NOL4: variants seen among roughly 807,000 people sequenced by gnomAD.
NOL4 encodes nucleolar protein 4.
NOL4 carries 17 observed loss-of-function variants against 75.9 expected under a neutral mutation model. The ratio of observed to expected loss-of-function variants is 0.22; its 90% CI spans 0.15 to 0.34. The LOEUF (loss-of-function observed/expected upper bound fraction) is 0.34, where lower values mean the gene tolerates loss of function less well. NOL4 is among the 10% of genes least tolerant of loss of function. The pLI, the probability that NOL4 is intolerant of heterozygous loss-of-function variation, is 1.00. For missense variants in NOL4, 614 were observed against 793.5 expected (o/e 0.77, Z 2.72); for synonymous variants, 292 against 289.9 (o/e 1.01, Z -0.07).
intron 4 of NOL4, among the ~76,000 whole-genome samples, chr18:34,099,234 G>A (rs908045334): frequency 6.6e-6 from 1 of 151,106 alleles, no homozygotes; most frequent in African/African-American, 2.4e-5. Context: ...ATAGTGGCGG[G>A]CACCTGTAAT....
chr18:33,899,879 A>C (rs867886597), intron 9 of NOL4, among the ~76,000 whole-genome samples: 6 of 152,052 alleles, frequency 3.9e-5, no homozygotes, highest in African/African-American at 1.4e-4. Flanking sequence ...AAATATGAGA[A>C]AGTTCAAATG....
chr18:34,129,846 C>CTTT, intron 2 of NOL4, 25 bp downstream of exon 2: 4 of 1,350,480 alleles, frequency 3.0e-6, no homozygotes, highest in South Asian at 1.5e-5. Flanking sequence ...AATGCATGCT[C>CTTT]TTTTTTTTTT....
intron 9 of NOL4, among the ~76,000 whole-genome samples, chr18:33,887,952 G>A (rs1441175107): frequency 6.6e-6 from 1 of 152,160 alleles, no homozygotes; most frequent in Non-Finnish European, 1.5e-5. Flanking sequence ...GGATGGCTGG[G>A]TCAAATGGTA....
intron 5 of NOL4, among the ~76,000 whole-genome samples, chr18:34,078,762 T>C (rs2077860301): frequency 1.3e-5 from 2 of 152,148 alleles, no homozygotes; most frequent in Non-Finnish European, 2.9e-5. Context: ...TGATCACTTA[T>C]AAAAGAACAT....
intron 8 of NOL4, 124 bp from the exon 9 acceptor site, chr18:33,943,302 A>G (rs1158156468): frequency 6.3e-6 from 4 of 634,028 alleles, no homozygotes; most frequent in Non-Finnish European, 1.1e-5. Flanking sequence ...ATTTCAACTG[A>G]ACTTGTTTCA....
intron 6 of NOL4, among the ~76,000 whole-genome samples, chr18:34,017,459 G>A (rs1231050797): frequency 6.6e-6 from 1 of 152,104 alleles, no homozygotes; most frequent in Non-Finnish European, 1.5e-5. Context: ...TCACTTCCAT[G>A]TGGTAAGAAC....
chr18:34,033,713 T>A (rs930263125), intron 5 of NOL4, among the ~76,000 whole-genome samples: 2 of 151,964 alleles, frequency 1.3e-5, no homozygotes, highest in African/African-American at 2.4e-5. Flanking sequence ...CCCAAACAGA[T>A]AAAATGCAAC....
At chr18:34,160,823 A>G (rs2031352491) in intron 1 of NOL4, among the ~76,000 whole-genome samples, 1 of 152,164 alleles carries the variant, frequency 6.6e-6, no homozygotes, top group African/African-American at 2.4e-5. Context: ...TGTTCTGGGA[A>G]CAATCAAGAT....
intron 9 of NOL4, among the ~76,000 whole-genome samples, chr18:33,887,062 T>G (rs958800318): frequency 2.1e-5 from 3 of 140,246 alleles, no homozygotes; most frequent in Admixed American, 1.5e-4. Flanking sequence ...TATATATCTA[T>G]ATATAATATA....
intron 6 of NOL4, among the ~76,000 whole-genome samples, chr18:33,990,862 T>C (rs1175451419): frequency 6.6e-6 from 1 of 152,092 alleles, no homozygotes; most frequent in Non-Finnish European, 1.5e-5. Context: ...ACATTCATTT[T>C]CATGCCATTT....
Position 33,883,230 on chromosome 18 carries a change from T to C in NOL4, c.1723+14A>G. ...ATAATTAAAAAAAAAACACAATCTA[T>C]GATAAATACTCACCACTGCTGGAAG... On this transcript the variant is annotated intron_variant, in intron 10 of 10. Coordinates refer to ENST00000261592, the MANE Select transcript of NOL4 (RefSeq NM_003787.5). 1 of 1,552,004 alleles carries C rather than the reference T, an allele frequency of 6.4e-7. No individual in the cohort carries two copies. Among genetic ancestry groups the C allele is most frequent in the Non-Finnish European group, 8.7e-7 (1 of 1,152,458 alleles).
intron 5 of NOL4, among the ~76,000 whole-genome samples, chr18:34,024,498 G>C (rs1004235333): frequency 6.6e-6 from 1 of 151,858 alleles, no homozygotes; most frequent in African/African-American, 2.4e-5. Context: ...TTGCAAAATA[G>C]TTTAAGTGCA....
intron 9 of NOL4, among the ~76,000 whole-genome samples, chr18:33,929,778 A>G (rs1599903078): frequency 6.6e-6 from 1 of 152,282 alleles, no homozygotes; most frequent in East Asian, 1.9e-4. Context: ...GGACCTATTT[A>G]GAAGTATTTT....
At chr18:33,879,697 G>C (rs941506073) in intron 10 of NOL4, among the ~76,000 whole-genome samples, 1 of 151,514 alleles carries the variant, frequency 6.6e-6, no homozygotes, top group South Asian at 2.1e-4. Flanking sequence ...AAAAAAGATA[G>C]TTCCTATTAC....
At chr18:34,175,355 T>C (rs577236382) in intron 1 of NOL4, among the ~76,000 whole-genome samples, 1 of 152,288 alleles carries the variant, frequency 6.6e-6, no homozygotes, top group South Asian at 2.1e-4. Flanking sequence ...CAGGAAAATG[T>C]TTTATCTTTG....
chr18:34,222,905 T>G, intron 1 of NOL4, 85 bp downstream of exon 1: 15 of 1,531,872 alleles, frequency 9.8e-6, no homozygotes, highest in Non-Finnish European at 1.3e-5. Context: ...GGCTCACGGC[T>G]CCCCCTCTCT....
chr18:34,172,759 A>G (rs1366365413), intron 1 of NOL4, among the ~76,000 whole-genome samples: 6 of 152,040 alleles, frequency 3.9e-5, no homozygotes, highest in East Asian at 1.9e-4. Context: ...CATTTCCCCA[A>G]TGATTAGTGA....
At chr18:33,961,861 GC>G (rs2070154328) in intron 6 of NOL4, among the ~76,000 whole-genome samples, 1 of 152,086 alleles carries the variant, frequency 6.6e-6, no homozygotes, top group South Asian at 2.1e-4. Context: ...AAGGAGAAAG[GC>G]AAGTGTGTAA....
At chr18:34,115,124 G>A (rs999967383) in intron 2 of NOL4, among the ~76,000 whole-genome samples, 4 of 152,114 alleles carry the variant, frequency 2.6e-5, no homozygotes, top group Admixed American at 6.6e-5. Context: ...AAGCAAGTTC[G>A]AGCACAAAGA....
Sources: gnomAD v4.1 joint callset for allele counts (sites outside exome capture counted in the v4.1 genomes callset) on GRCh38, gnomAD v4.1.1 for gene constraint, MANE v1.5 for transcripts, NCBI Gene and HGNC (gene_info 2026-07-23, HGNC 2026-07-21) for gene names.